The following CLHC1 variants were observed in gnomAD, a reference collection of about 807,000 sequenced individuals.
CLHC1 encodes clathrin heavy chain linker domain containing 1.
A neutral mutation model predicts 69.5 loss-of-function variants in CLHC1; 72 were observed. That is an observed-to-expected ratio of 1.04 (90% CI 0.86 to 1.26). The LOEUF (loss-of-function observed/expected upper bound fraction) is 1.26. Among genes scored for constraint, CLHC1 ranks in the 50% most tolerant of loss-of-function variants. CLHC1 has a pLI of 0.00. For missense variants in CLHC1, 790 were observed against 679.3 expected (o/e 1.16, Z -1.81); for synonymous variants, 223 against 224.3 (o/e 0.99, Z 0.05).
chr2:55,193,393 G>A (rs989082077), intron 9 of CLHC1, among the ~76,000 whole-genome samples: 18 of 151,842 alleles, frequency 1.2e-4, no homozygotes, highest in African/African-American at 4.1e-4. Context: ...TGCAAATCAA[G>A]TATCAAATAG....
At chr2:55,227,835 G>A (rs545832264) in intron 2 of CLHC1, among the ~76,000 whole-genome samples, 197 bp downstream of exon 2, 1 of 116,956 alleles carries the variant, frequency 8.6e-6, no homozygotes, top group Non-Finnish European at 1.7e-5. Flanking sequence ...GTGCCCTTCA[G>A]AAACTAATGA....
At chr2:55,220,701 G>A (rs1038400855) in intron 3 of CLHC1, among the ~76,000 whole-genome samples, 1 of 152,124 alleles carries the variant, frequency 6.6e-6, no homozygotes, top group Non-Finnish European at 1.5e-5. Flanking sequence ...ATTCTGACAA[G>A]TGTTAACACT....
chr2:55,215,207 A>G (rs1347761803), intron 4 of CLHC1: 1 of 152,242 alleles, frequency 6.6e-6, no homozygotes, highest in Non-Finnish European at 1.5e-5. Flanking sequence ...CTACTGAAGA[A>G]AAGTACTACA....
intron 5 of CLHC1, among the ~76,000 whole-genome samples, chr2:55,210,781 C>A (rs1240786365): frequency 1.3e-5 from 2 of 152,106 alleles, no homozygotes; most frequent in Admixed American, 6.6e-5. Flanking sequence ...ATCTTCAGTC[C>A]TCTCTCTCAC....
At chr2:55,210,729 A>T (rs954823843) in intron 5 of CLHC1, among the ~76,000 whole-genome samples, 2 of 152,178 alleles carry the variant, frequency 1.3e-5, no homozygotes, top group Non-Finnish European at 2.9e-5. Context: ...CCCCAGAGTA[A>T]TCAGTTTATT....
At chr2:55,185,364 T>C (rs1254940808) in intron 9 of CLHC1, among the ~76,000 whole-genome samples, 7 of 152,144 alleles carry the variant, frequency 4.6e-5, no homozygotes, top group Non-Finnish European at 5.9e-5. Flanking sequence ...AGTCAGATGA[T>C]ACCCCCTTCC....
intron 1 of CLHC1, among the ~76,000 whole-genome samples, chr2:55,229,012 G>A (rs901656889): frequency 3.3e-5 from 5 of 152,010 alleles, no homozygotes; most frequent in East Asian, 3.9e-4. Flanking sequence ...TTAGCTGGGC[G>A]CAGGGGCTCA....
At chr2:55,191,256 T>A (rs923734573) in intron 9 of CLHC1, among the ~76,000 whole-genome samples, 2 of 152,184 alleles carry the variant, frequency 1.3e-5, no homozygotes, top group African/African-American at 4.8e-5. Context: ...TACATATGTT[T>A]TTGCAGACGG....
intron 2 of CLHC1, chr2:55,224,667 C>T: frequency 4.4e-6 from 1 of 226,816 alleles, no homozygotes. Context: ...GAGGAGCTGG[C>T]GGTCCAGGAG....
intron 9 of CLHC1, among the ~76,000 whole-genome samples, chr2:55,183,198 A>G (rs575676734): frequency 6.6e-6 from 1 of 152,346 alleles, no homozygotes; most frequent in South Asian, 2.1e-4. Context: ...TAACCAGGGT[A>G]AGGGGAAAAA....
intron 11 of CLHC1, among the ~76,000 whole-genome samples, chr2:55,179,971 G>C (rs938682913): frequency 6.6e-6 from 1 of 152,002 alleles, no homozygotes; most frequent in African/African-American, 2.4e-5. Flanking sequence ...TGGCTAACAC[G>C]GTGAAACCCT....
chr2:55,219,816 T>C (rs1673939360), intron 3 of CLHC1, among the ~76,000 whole-genome samples: 1 of 152,176 alleles, frequency 6.6e-6, no homozygotes, highest in Admixed American at 6.5e-5. Flanking sequence ...CTCCTCCATA[T>C]GGATCTGAAC....
chr2:55,179,621 A>C (rs888354398), intron 11 of CLHC1, among the ~76,000 whole-genome samples: 1 of 152,100 alleles, frequency 6.6e-6, no homozygotes, highest in Admixed American at 6.5e-5. Context: ...ATAGCCTGCA[A>C]ATCAGGACAG....
intron 4 of CLHC1, among the ~76,000 whole-genome samples, chr2:55,217,539 AAAAAAAAAAAAAAATATAT>A (rs1673649561): frequency 1.2e-5 from 1 of 82,754 alleles, no homozygotes; most frequent in African/African-American, 6.0e-5. Context: ...AAAAAAAAAA[AAAAAAAAAAAAAAATATAT>A]ATATATATAT....
intron 9 of CLHC1, among the ~76,000 whole-genome samples, chr2:55,191,514 G>A (rs529943309): frequency 4.6e-5 from 7 of 152,280 alleles, no homozygotes; most frequent in African/African-American, 1.7e-4. Context: ...GATTACAGGC[G>A]TGAGCCACTG....
chr2:55,188,150 CA>C (rs905563807), intron 9 of CLHC1, among the ~76,000 whole-genome samples: 1 of 151,840 alleles, frequency 6.6e-6, no homozygotes, highest in Non-Finnish European at 1.5e-5. Flanking sequence ...TCCATCTGTA[CA>C]AAAAATTTTT....
chr2:55,203,424 T>C (rs1672147132), intron 9 of CLHC1, among the ~76,000 whole-genome samples: 2 of 152,080 alleles, frequency 1.3e-5, no homozygotes, highest in South Asian at 2.1e-4. Context: ...TACAGAGCTA[T>C]AGTAACCAAA....
At chr2:55,222,800 A>C (rs1411239483) in intron 2 of CLHC1, among the ~76,000 whole-genome samples, 1 of 151,964 alleles carries the variant, frequency 6.6e-6, no homozygotes, top group East Asian at 1.9e-4. Context: ...GCATGCCTGT[A>C]ATCCCAGCTA....
chr2:55,180,399 T>C (rs1157819348), intron 11 of CLHC1, 111 bp downstream of exon 11: 9 of 703,520 alleles, frequency 1.3e-5, no homozygotes, highest in East Asian at 2.7e-5. Flanking sequence ...TATTGGTATA[T>C]ATAAAATTGA....
Sources: allele counts gnomAD v4.1 joint callset (sites outside exome capture counted in the v4.1 genomes callset), GRCh38; gene constraint gnomAD v4.1.1; transcripts MANE v1.5; gene names NCBI Gene and HGNC (gene_info 2026-07-23, HGNC 2026-07-21).